The following GLIS3 variants were observed in gnomAD, a reference collection of about 807,000 sequenced individuals.
The protein encoded by GLIS3 is GLIS family zinc finger 3, also known as zinc finger protein GLIS3.
Under a neutral mutation model 78.6 loss-of-function variants are expected in GLIS3, and 53 were observed. The ratio of observed to expected loss-of-function variants is 0.67; its 90% CI spans 0.54 to 0.85. GLIS3 has a LOEUF of 0.85. Ranked by LOEUF, GLIS3 falls within the 40% of genes least tolerant of loss-of-function variation. The pLI, the probability that GLIS3 is intolerant of heterozygous loss-of-function variation, is 0.00. For synonymous variants in GLIS3, 684 were observed against 509.9 expected, an observed-to-expected ratio of 1.34 and a Z score of -4.60; for missense variants, 1,703 against 1,231.1, an observed-to-expected ratio of 1.38 and a Z score of -5.74.
chr9:3,917,552 GC>G (rs1824601151), intron 6 of GLIS3, among the ~76,000 whole-genome samples: 1 of 151,876 alleles, frequency 6.6e-6, no homozygotes, highest in South Asian at 2.1e-4. Flanking sequence ...AGCAGGATGA[GC>G]TCCAGTATAA....
At chr9:4,397,707 AGGCAGGGAGGGAGGGAGGGAGG>A in the GLIS3 span, among the ~76,000 whole-genome samples, 774 of 45,862 alleles carry the variant, frequency 0.017, 13 homozygotes, top group African/African-American at 0.079. Context: ...GGAGGGAGGA[AGGCAGGGAGGGAGGGAGGGAGG>A]GAGGAAAAGA....
chr9:4,270,217 C>G (rs1331844498), intron 2 of GLIS3, among the ~76,000 whole-genome samples: 2 of 152,160 alleles, frequency 1.3e-5, no homozygotes, highest in Non-Finnish European at 2.9e-5. Flanking sequence ...GTATCACAGG[C>G]CCTTGACAGA....
chr9:4,160,107 G>A (rs536817164), intron 2 of GLIS3, among the ~76,000 whole-genome samples: 4 of 152,206 alleles, frequency 2.6e-5, no homozygotes, highest in Non-Finnish European at 5.9e-5. Context: ...TAGCCTGCTA[G>A]AAATACTTTC....
the GLIS3 span, among the ~76,000 whole-genome samples, chr9:4,414,719 T>C: frequency 6.6e-6 from 1 of 152,118 alleles, no homozygotes; most frequent in African/African-American, 2.4e-5. Flanking sequence ...ATTCCAGTCT[T>C]AGCAAGAACC....
the GLIS3 span, among the ~76,000 whole-genome samples, chr9:4,434,389 AAAG>A: frequency 3.9e-5 from 6 of 152,202 alleles, no homozygotes; most frequent in African/African-American, 1.4e-4. Flanking sequence ...GTACGTAAGA[AAAG>A]AAGCACCTAA....
chr9:4,178,737 G>C (rs1012794225), intron 2 of GLIS3, among the ~76,000 whole-genome samples: 3 of 152,288 alleles, frequency 2.0e-5, no homozygotes, highest in African/African-American at 7.2e-5. Flanking sequence ...GATGTATATA[G>C]GTTGATCAGA....
intron 1 of GLIS3, among the ~76,000 whole-genome samples, chr9:4,295,465 A>G (rs1017165439): frequency 1.3e-5 from 2 of 152,224 alleles, no homozygotes; most frequent in African/African-American, 4.8e-5. Context: ...GGGGGAGTCC[A>G]AATTATTTGA....
chr9:3,979,018 T>G (rs1400871778), intron 4 of GLIS3, among the ~76,000 whole-genome samples: 3 of 152,200 alleles, frequency 2.0e-5, no homozygotes, highest in Non-Finnish European at 4.4e-5. Context: ...CCTATACCAT[T>G]TTATATCACA....
At chr9:4,449,631 T>C in the GLIS3 span, among the ~76,000 whole-genome samples, 4 of 152,136 alleles carry the variant, frequency 2.6e-5, no homozygotes, top group East Asian at 1.9e-4. Context: ...AGAGGAAGGA[T>C]CAGGCAGTAT....
chr9:4,171,169 C>G (rs1248191075), intron 2 of GLIS3, among the ~76,000 whole-genome samples: 1 of 152,112 alleles, frequency 6.6e-6, no homozygotes, highest in East Asian at 1.9e-4. Flanking sequence ...AGGGCTATTA[C>G]AATTCAATTT....
chr9:4,364,321 T>C, the GLIS3 span, among the ~76,000 whole-genome samples: 1 of 152,220 alleles, frequency 6.6e-6, no homozygotes, highest in African/African-American at 2.4e-5. Flanking sequence ...CATTAGAAAA[T>C]TCCTTCTTCA....
intron 2 of GLIS3, among the ~76,000 whole-genome samples, chr9:4,146,727 A>C (rs1332267038): frequency 6.6e-6 from 1 of 152,220 alleles, no homozygotes; most frequent in South Asian, 2.1e-4. Flanking sequence ...TCAAACGCCT[A>C]TTCTCCATCC....
At chr9:4,427,867 A>G in the GLIS3 span, among the ~76,000 whole-genome samples, 1 of 152,008 alleles carries the variant, frequency 6.6e-6, no homozygotes. Flanking sequence ...AAAAAAAAAG[A>G]AGAAGAACAA....
chr9:4,028,587 T>C (rs751091441), intron 4 of GLIS3, among the ~76,000 whole-genome samples: 2 of 152,168 alleles, frequency 1.3e-5, no homozygotes, highest in Non-Finnish European at 2.9e-5. Flanking sequence ...CTGTGTAGCC[T>C]AGATCAAAAA....
chr9:4,294,285 G>A (rs1384704214), intron 1 of GLIS3, among the ~76,000 whole-genome samples: 1 of 152,150 alleles, frequency 6.6e-6, no homozygotes, highest in East Asian at 1.9e-4. Flanking sequence ...AAGGTGGGTG[G>A]ATCACCTGAG....
At chr9:4,189,300 G>C (rs1818106329) in intron 2 of GLIS3, among the ~76,000 whole-genome samples, 3 of 152,158 alleles carry the variant, frequency 2.0e-5, no homozygotes, top group Non-Finnish European at 4.4e-5. Flanking sequence ...CCATGTAGCT[G>C]AGCGGTTTTG....
chr9:3,967,040 A>AAAAAAAAAAAAAAAAAAAG lies in GLIS3; in HGVS notation c.1711-29852_1711-29851insCTTTTTTTTTTTTTTTTTT, dbSNP rs1226736845. Among the ~76,000 whole-genome samples the AAAAAAAAAAAAAAAAAAAG allele has an allele frequency of 2.3e-5, 3 of 129,628 alleles. 1 individual carries two copies. The highest frequency in any genetic ancestry group is 4.9e-5 in the Non-Finnish European group (3 of 61,364). 85.0% of individuals were successfully genotyped at this position (129,628 alleles called of 152,430 possible). A position where few individuals can be genotyped will look rare whatever the true frequency, so the allele number is the denominator to read the frequency against. On this transcript the variant is annotated intron_variant, in intron 4 of 10. Coordinates refer to ENST00000381971, the MANE Select transcript of GLIS3 (RefSeq NM_001042413.2). Reference sequence around the variant, plus strand: ...AAAAAAAAAAAAAAAAAAACAAAAAAACATTTTGAGGATTTCTCAATCAGG... The same window carrying AAAAAAAAAAAAAAAAAAAG: ...AAAAAAAAAAAAAAAAAAACAAAAAAAAAAAAAAAAAAAAAAAAGACATTTTGAGGATTTCTCAATCAGG...
At chr9:4,429,582 T>C in the GLIS3 span, among the ~76,000 whole-genome samples, 1 of 152,212 alleles carries the variant, frequency 6.6e-6, no homozygotes, top group Non-Finnish European at 1.5e-5. Context: ...GGTGATCCAC[T>C]TCATAGTGCT....
At chr9:4,414,155 G>A in the GLIS3 span, among the ~76,000 whole-genome samples, 2 of 152,072 alleles carry the variant, frequency 1.3e-5, no homozygotes, top group Non-Finnish European at 2.9e-5. Context: ...ACACAAAAGG[G>A]TAGAATTGAG....
Sources: allele counts gnomAD v4.1 joint callset (sites outside exome capture counted in the v4.1 genomes callset), GRCh38; gene constraint gnomAD v4.1.1; transcripts MANE v1.5; gene names NCBI Gene and HGNC (gene_info 2026-07-23, HGNC 2026-07-21).